NSD1: variants seen among roughly 807,000 people sequenced by gnomAD.
NSD1 encodes the protein histone-lysine N-methyltransferase, H3 lysine-36 specific.
In NSD1, 26 loss-of-function variants were observed where a neutral mutation model predicts 242.7. The ratio of observed to expected loss-of-function variants is 0.11; its 90% CI spans 0.08 to 0.15. The LOEUF (loss-of-function observed/expected upper bound fraction) is 0.15. NSD1 is among the 10% of genes least tolerant of loss of function. NSD1 has a pLI of 1.00. For missense variants in NSD1, 2,495 were observed against 3,272.8 expected (o/e 0.76, Z 5.80); for synonymous variants, 1,106 against 1,178.1 (o/e 0.94, Z 1.25).
intron 17 of NSD1, among the ~76,000 whole-genome samples, chr5:177,277,541 G>A (rs1461491975): frequency 1.3e-5 from 2 of 152,128 alleles, no homozygotes; most frequent in Admixed American, 1.3e-4. Flanking sequence ...CCATGTCTTT[G>A]TTCTTAACCA....
intron 5 of NSD1, among the ~76,000 whole-genome samples, chr5:177,234,233 G>A (rs1448607394): frequency 2.0e-5 from 3 of 152,156 alleles, no homozygotes; most frequent in African/African-American, 7.2e-5. Context: ...AGAGGCTCCC[G>A]TTTCTTTGTT....
At chr5:177,227,263 G>A (rs1484280071) in intron 5 of NSD1, among the ~76,000 whole-genome samples, 3 of 152,116 alleles carry the variant, frequency 2.0e-5, no homozygotes. Context: ...AATAAAGAAA[G>A]TGCTAAATAT....
rs553477668 is a variant in NSD1 at position 177,223,299 on chromosome 5, C to T, written c.3796+11104C>T. ...CTAGGCACGGTGGCTAGGCCGGGCA[C>T]GGTGGCTCACAGCTTTAATCCCAGC... is the stretch of plus-strand genomic sequence containing the variant. On this transcript the variant is annotated intron_variant, in intron 5 of 22. Coordinates refer to ENST00000439151, the MANE Select transcript of NSD1 (RefSeq NM_022455.5). Among the ~76,000 whole-genome samples, 6 of 152,022 alleles carry T rather than the reference C, an allele frequency of 3.9e-5. No homozygotes were observed. The East Asian group carries it at 5.8e-4, about 15-fold the overall frequency.
rs565699285 is a variant in NSD1 at position 177,276,577 on chromosome 5, C to T, written c.5622+2793C>T. Among the ~76,000 whole-genome samples the T allele has an allele frequency of 3.5e-4, 53 of 152,268 alleles. No individual in the cohort carries two copies. In the South Asian group the frequency reaches 5.0e-3, roughly 14 times the overall value. On this transcript the variant is annotated intron_variant, in intron 17 of 22. Transcript: ENST00000439151. ...CTGACCTCAGGTGATCTGCCCGCCT[C>T]GGTCTCCCAAAGTTGAGCCTCCCAC...
At position 177,204,116 on chromosome 5, in the gene NSD1, C is replaced by T. The variant is rs757178249; in HGVS notation, c.1064-4C>T. On this transcript the variant is annotated splice_region_variant and splice_polypyrimidine_tract_variant and intron_variant, in intron 3 of 22. Coordinates refer to ENST00000439151, the MANE Select transcript of NSD1 (RefSeq NM_022455.5). ...ATGATTCTGGTTCTCTTACCCTTAC[C>T]TAGTTTCCAACCGGAGGCCCTATCG... 3 of 1,613,532 alleles carry T rather than the reference C, an allele frequency of 1.9e-6. No individual in the cohort carries two copies. The South Asian group carries it at 3.3e-5, about 18-fold the overall frequency.
Position 177,297,457 on chromosome 5 carries a change from C to T in NSD1, c.*1998C>T, listed in dbSNP as rs1450680995. The T allele has an allele frequency of 4.4e-6, 1 of 228,778 alleles. No homozygotes were observed. The highest frequency in any genetic ancestry group is 2.2e-5 in the African/African-American group (1 of 44,932). The allele number at this position is 228,778 out of a possible 1,614,324, so 14.2% of individuals were successfully genotyped here. ...ATGTGTGAGAATAATAAATATATAA[C>T]TGCAGCTAGTAGGTCCCTTTCCCTA... On this transcript the variant is annotated 3_prime_UTR_variant, in exon 23 of 23. Coordinates refer to ENST00000439151, the MANE Select transcript of NSD1 (RefSeq NM_022455.5).
intron 2 of NSD1, among the ~76,000 whole-genome samples, chr5:177,189,411 A>C (rs1761494149): frequency 6.6e-6 from 1 of 152,232 alleles, no homozygotes; most frequent in Admixed American, 6.5e-5. Context: ...ACTTCCAAAA[A>C]TACAATGTAA....
Position 177,209,967 on chromosome 5 carries a change from A to T in NSD1, c.1568A>T (p.Asp523Val). ...CACATACAATTTGAAGCACATAAAGATGAACGGAGGGGAAAGATTCCAGAG... is the reference window on the plus strand; with the variant it reads ...CACATACAATTTGAAGCACATAAAGTTGAACGGAGGGGAAAGATTCCAGAG... ...KGHIQFEAHK[D>V]ERRGKIPENL... The change falls in exon 5 of 23, where the codon GAT (aspartate) becomes GTT (valine). Residue 523 changes from aspartate to valine, a missense_variant. Transcript: ENST00000439151. 6.2e-7 allele frequency: 1 copy of T among 1,614,150 alleles called. No homozygotes were observed. Among genetic ancestry groups the T allele is most frequent in the Non-Finnish European group, 8.5e-7 (1 of 1,180,012 alleles).
rs1391673701 is a variant in NSD1, at chr5:177,209,942, C to G, written c.1543C>G (p.His515Asp). 1 of 1,614,002 alleles carries G rather than the reference C, an allele frequency of 6.2e-7. No individual in the cohort carries two copies. Among genetic ancestry groups the G allele is most frequent in the African/African-American group, 1.3e-5 (1 of 75,010 alleles). The change falls in exon 5 of 23, where the codon CAC (histidine) becomes GAC (aspartate). Residue 515 changes from histidine (H) to aspartate (D), a missense_variant. His to Asp is a moderately conservative substitution (Grantham distance 81). This residue lies in a region of NSD1 where 515 missense variants were observed against 467.0 expected (regional missense o/e 1.10). Transcript: ENST00000439151. ...NPKRTSVKKGHIQFEAHKDER... is the reference protein window; with the variant it reads ...NPKRTSVKKGDIQFEAHKDER... ...AAAAAGGACTAGTGTGAAAAAGGGC[C>G]ACATACAATTTGAAGCACATAAAGA...
chr5:177,278,219 C>T (rs1034789036), intron 17 of NSD1, among the ~76,000 whole-genome samples: 1 of 152,216 alleles, frequency 6.6e-6, no homozygotes, highest in African/African-American at 2.4e-5. Flanking sequence ...ACGATCCTCC[C>T]ACTGCAGCTT....
At chr5:177,191,025 C>T (rs1761646391) in intron 2 of NSD1, among the ~76,000 whole-genome samples, 1 of 128,842 alleles carries the variant, frequency 7.8e-6, no homozygotes, top group Non-Finnish European at 1.6e-5. Context: ...GGCTAAAGTA[C>T]GGTGGCTCTT....
At chr5:177,139,444 CAA>C (rs1281688922) in intron 2 of NSD1, among the ~76,000 whole-genome samples, 51 of 59,520 alleles carry the variant, frequency 8.6e-4, no homozygotes, top group African/African-American at 2.1e-3. Flanking sequence ...GACTCCATCT[CAA>C]AAAAAAAAAA....
intron 16 of NSD1, 54 bp from the exon 17 acceptor site, chr5:177,273,618 A>T: frequency 7.5e-7 from 1 of 1,336,118 alleles, no homozygotes; most frequent in Non-Finnish European, 1.1e-6. Flanking sequence ...AAGTGAATAA[A>T]TAAGTAATTC....
At chr5:177,208,602 A>C (rs1763085507) in intron 4 of NSD1, among the ~76,000 whole-genome samples, 1 of 148,202 alleles carries the variant, frequency 6.7e-6, no homozygotes, top group South Asian at 2.1e-4. Context: ...ATCTCAGCTC[A>C]CTGGAGCCTC....
chr5:177,174,579 A>C (rs541813932), intron 2 of NSD1, among the ~76,000 whole-genome samples: 14 of 150,962 alleles, frequency 9.3e-5, no homozygotes, highest in African/African-American at 2.7e-4. Context: ...TTTTTTTGAC[A>C]CGGAGTCTTG....
At chr5:177,199,736 A>T (rs2149831319) in intron 3 of NSD1, among the ~76,000 whole-genome samples, 1 of 152,026 alleles carries the variant, frequency 6.6e-6, no homozygotes, top group Admixed American at 6.6e-5. Context: ...AGTAGCTGGG[A>T]TTACAGGCAC....
In NSD1 at chr5:177,209,755, A is replaced by G; in HGVS notation, c.1356A>G (p.Glu452=). ...CIPGSIKLDS[E]EDMPFEDCTN... is the part of the protein sequence containing the mutation. ...CTGGTTCAATCAAGTTGGACAGTGA[A>G]GAAGATATGCCATTTGAAGACTGCA... The change falls in exon 5 of 23, where the codon GAA becomes GAG. Residue 452 remains glutamate (E), a synonymous_variant. Transcript: ENST00000439151. 1 of 1,614,166 alleles carries G rather than the reference A, an allele frequency of 6.2e-7. No homozygotes were observed. The highest frequency in any genetic ancestry group is 8.5e-7 in the Non-Finnish European group (1 of 1,180,020).
At chr5:177,245,633 T>C (rs957625383) in intron 9 of NSD1, among the ~76,000 whole-genome samples, 9 of 117,660 alleles carry the variant, frequency 7.6e-5, no homozygotes, top group Admixed American at 1.6e-4. Flanking sequence ...AATTTCTTTC[T>C]TTTTTTTTTT....
intron 20 of NSD1, among the ~76,000 whole-genome samples, chr5:177,286,514 T>G (rs148847280): frequency 6.6e-6 from 1 of 152,354 alleles, no homozygotes; most frequent in Non-Finnish European, 1.5e-5. Flanking sequence ...CCAGATACGA[T>G]TCTAAGCATA....
Sources: gnomAD v4.1 joint callset for allele counts (sites outside exome capture counted in the v4.1 genomes callset) on GRCh38, gnomAD v4.1.1 for gene constraint, gnomAD v4.1.1 regional missense constraint, MANE v1.5 for transcripts, NCBI Gene and HGNC (gene_info 2026-07-23, HGNC 2026-07-21) for gene names.